The following PTGR2 variants were observed in gnomAD, a reference collection of about 807,000 sequenced individuals.
The protein encoded by PTGR2 is 15-oxoprostaglandin 13-reductase.
PTGR2 carries 32 observed loss-of-function variants against 43.4 expected under a neutral mutation model. The ratio of observed to expected loss-of-function variants is 0.74; its 90% CI spans 0.56 to 0.99. PTGR2 has a LOEUF of 0.99. Among genes scored for constraint, PTGR2 ranks in the 50% least tolerant of loss-of-function variants. PTGR2 has a pLI of 0.00. For synonymous variants in PTGR2, 106 were observed against 139.2 expected (o/e 0.76, Z 1.68); for missense variants, 373 against 420.0 (o/e 0.89, Z 0.98).
At chr14:73,875,623 C>T (rs895198482) in intron 4 of PTGR2, among the ~76,000 whole-genome samples, 7 of 151,996 alleles carry the variant, frequency 4.6e-5, no homozygotes, top group African/African-American at 9.7e-5. Flanking sequence ...GGATTACAGG[C>T]GTGAGCCACT....
intron 4 of PTGR2, chr14:73,874,455 A>C: frequency 1.9e-6 from 1 of 536,246 alleles, no homozygotes; most frequent in Non-Finnish European, 3.4e-6. Context: ...TAAACAGATT[A>C]ACAGGAGAAA....
In PTGR2 at chr14:73,864,600, A is replaced by G. The variant is rs115933197; in HGVS notation, c.156+3943A>G. Among the ~76,000 whole-genome samples the G allele has an allele frequency of 5.1e-4, 78 of 152,318 alleles. No homozygotes were observed. The Middle Eastern group carries it at 0.01, about 20-fold the overall frequency. ...TCATTTGCATGTCTTTTTTGGAGAC[A>G]TGTCTATTCAGATTTCTTGTGCATT... On this transcript the variant is annotated intron_variant, in intron 3 of 9. Coordinates refer to ENST00000555661, the MANE Select transcript of PTGR2 (RefSeq NM_001146154.2).
intron 3 of PTGR2, 105 bp downstream of exon 3, chr14:73,860,762 T>C (rs2054471934): frequency 6.0e-6 from 4 of 662,974 alleles, no homozygotes; most frequent in Non-Finnish European, 1.1e-5. Context: ...TGGTAAATAT[T>C]TGAGCAGTTA....
chr14:73,884,469 AT>A lies in PTGR2; in HGVS notation c.*294del, dbSNP rs879832289. 1 of 196,136 alleles carries A rather than the reference AT, an allele frequency of 5.1e-6. No homozygotes were observed. Among genetic ancestry groups the A allele is most frequent in the Non-Finnish European group, 1.0e-5 (1 of 98,222 alleles). 12.1% of individuals were successfully genotyped at this position (196,136 alleles called of 1,614,324 possible). On this transcript the variant is annotated 3_prime_UTR_variant, in exon 10 of 10. Transcript: ENST00000555661. The stretch of plus-strand genomic sequence containing the variant: ...ACGTTTTACATGATCTGATACAACC[AT>A]TAATGAATCATACACAATAGGTTTT...
At chr14:73,864,984 G>C (rs8014409) in intron 3 of PTGR2, among the ~76,000 whole-genome samples, 1 of 151,908 alleles carries the variant, frequency 6.6e-6, no homozygotes, top group Non-Finnish European at 1.5e-5. Flanking sequence ...CTATGTATGC[G>C]TATGAGGAAG....
At chr14:73,863,907 C>T (rs142108415) in intron 3 of PTGR2, among the ~76,000 whole-genome samples, 443 of 152,226 alleles carry the variant, frequency 2.9e-3, no homozygotes, top group African/African-American at 9.9e-3. Context: ...TGAGCCATCA[C>T]ACCTGGCCGA....
intron 3 of PTGR2, among the ~76,000 whole-genome samples, chr14:73,864,181 T>C (rs530071820): frequency 4.5e-4 from 68 of 152,388 alleles, no homozygotes; most frequent in African/African-American, 1.6e-3. Flanking sequence ...CAGTATCTTA[T>C]CTGTTCATCA....
intron 5 of PTGR2, 55 bp from the exon 6 acceptor site, chr14:73,879,041 T>C: frequency 6.9e-7 from 1 of 1,446,454 alleles, no homozygotes; most frequent in South Asian, 1.2e-5. Flanking sequence ...CTGGTACATT[T>C]TTACATTTAA....
intron 3 of PTGR2, among the ~76,000 whole-genome samples, chr14:73,862,257 G>T (rs576690762): frequency 2.0e-5 from 3 of 151,900 alleles, no homozygotes; most frequent in Non-Finnish European, 4.4e-5. Context: ...GCCCAGGCTG[G>T]AGTGCAGTGG....
At chr14:73,866,567 G>C (rs866647190) in intron 3 of PTGR2, among the ~76,000 whole-genome samples, 2 of 152,156 alleles carry the variant, frequency 1.3e-5, no homozygotes, top group African/African-American at 4.8e-5. Flanking sequence ...CTTTGAGTCT[G>C]TAGATCAATT....
chr14:73,879,181 T>C lies in PTGR2; in HGVS notation c.605T>C (p.Phe202Ser), dbSNP rs147362775. 7.7e-4 allele frequency: 1,247 copies of C among 1,614,030 alleles called. 1 individual carries two copies. The highest frequency in any genetic ancestry group is 1.2e-3 in the Admixed American group (72 of 60,002). The change falls in exon 6 of 10, where the codon TTT becomes TCT. Residue 202 changes from phenylalanine to serine, a missense_variant. By Grantham distance (155) the Phe-to-Ser change is radical (BLOSUM62 -2). Transcript: ENST00000555661. ...ATCCTCTTGACCTCAGAACTGGGCT[T>C]TGATGCTGCAATTAATTATAAAAAA... ...KCILLTSELG[F>S]DAAINYKKDN...
At position 73,857,664 on chromosome 14, in the gene PTGR2, G is replaced by GTTTTTTTTTTTTTT. The variant is rs1213963564; in HGVS notation, c.-47-1143_-47-1130dup. ...ATTACATGTCAATTAAGCAGTTAGT[G>GTTTTTTTTTTTTTT]TTTTTTTTTTTTTTTTTTTTTTGAG... is the stretch of plus-strand genomic sequence containing the variant. On this transcript the variant is annotated intron_variant, in intron 1 of 9. Coordinates refer to ENST00000555661, the MANE Select transcript of PTGR2 (RefSeq NM_001146154.2). 5.7e-3 allele frequency among the ~76,000 whole-genome samples: 369 copies of GTTTTTTTTTTTTTT among 64,710 alleles called. 87 individuals carry two copies. The highest frequency in any genetic ancestry group is 0.018 in the East Asian group (34 of 1,862). 42.5% of individuals were successfully genotyped at this position (64,710 alleles called of 152,430 possible).
At chr14:73,872,961 A>G (rs1462781971) in intron 3 of PTGR2, among the ~76,000 whole-genome samples, 1 of 148,738 alleles carries the variant, frequency 6.7e-6, no homozygotes, top group East Asian at 2.0e-4. Context: ...TGGGTGACAG[A>G]GACTCCATCT....
At chr14:73,880,346 G>A in intron 7 of PTGR2, 170 bp downstream of exon 7, 1 of 691,332 alleles carries the variant, frequency 1.4e-6, no homozygotes, top group Non-Finnish European at 2.4e-6. Context: ...GCCGAGACGG[G>A]TGGATTGCTT....
At position 73,860,162 on chromosome 14, in the gene PTGR2, A is replaced by G. The variant is rs556530721; in HGVS notation, c.38-377A>G. The stretch of plus-strand genomic sequence containing the variant: ...ACGCCTGGCCCCTTGTGCCTGTTTT[A>G]AAAGGAACTGTTCTGAATCCTAGAG... On this transcript the variant is annotated intron_variant, in intron 2 of 9. Transcript: ENST00000555661. Among the ~76,000 whole-genome samples the G allele has an allele frequency of 3.9e-5, 6 of 152,042 alleles. No homozygotes were observed. The East Asian group carries it at 1.2e-3, about 29-fold the overall frequency.
intron 2 of PTGR2, among the ~76,000 whole-genome samples, chr14:73,859,900 A>G (rs987172318): frequency 6.7e-6 from 1 of 149,138 alleles, no homozygotes; most frequent in East Asian, 2.0e-4. Flanking sequence ...TCGCTCTGTC[A>G]TGCAGTGGCA....
chr14:73,863,389 G>A (rs889426275), intron 3 of PTGR2, among the ~76,000 whole-genome samples: 60 of 152,124 alleles, frequency 3.9e-4, no homozygotes, highest in African/African-American at 1.4e-3. Flanking sequence ...GCTCACGGCT[G>A]CCTTGACCTT....
rs116339037 is a variant in PTGR2 at position 73,882,965 on chromosome 14, C to T, written c.979+527C>T. Among the ~76,000 whole-genome samples the T allele has an allele frequency of 8.4e-3, 1,261 of 150,598 alleles. 10 individuals carry two copies. Among genetic ancestry groups the T allele is most frequent in the African/African-American group, 0.029 (1,203 of 41,050 alleles). ...TCTACCAAGTAGCTGGGACTACAGG[C>T]GTGCACTGGTATGCCTGGCTAATTT... On this transcript the variant is annotated intron_variant, in intron 9 of 9. Transcript: ENST00000555661.
chr14:73,882,204 A>G (rs923208052), intron 8 of PTGR2, among the ~76,000 whole-genome samples, 195 bp from the exon 9 acceptor site: 1 of 152,208 alleles, frequency 6.6e-6, no homozygotes, highest in Non-Finnish European at 1.5e-5. Flanking sequence ...TGAAGAGATT[A>G]AACAATGGGA....
Sources: allele counts gnomAD v4.1 joint callset (sites outside exome capture counted in the v4.1 genomes callset), GRCh38; gene constraint gnomAD v4.1.1; transcripts MANE v1.5; gene names NCBI Gene and HGNC (gene_info 2026-07-23, HGNC 2026-07-21).